The following PTPRN2 variants were observed in gnomAD, a reference collection of about 807,000 sequenced individuals.
PTPRN2 encodes the protein receptor-type tyrosine-protein phosphatase N2.
In PTPRN2, 74 loss-of-function variants were observed where a neutral mutation model predicts 118.8. The observed-to-expected ratio is 0.62, with a 90% CI of 0.52 to 0.76. The LOEUF (loss-of-function observed/expected upper bound fraction) is 0.76, where lower values mean the gene tolerates loss of function less well. Ranked by LOEUF, PTPRN2 falls within the 30% of genes least tolerant of loss-of-function variation. PTPRN2 has a pLI of 0.00. For synonymous variants in PTPRN2, 641 were observed against 608.0 expected, an observed-to-expected ratio of 1.05 and a Z score of -0.80; for missense variants, 1,481 against 1,394.4, an observed-to-expected ratio of 1.06 and a Z score of -0.99.
intron 12 of PTPRN2, among the ~76,000 whole-genome samples, chr7:157,683,162 G>A (rs1003064775): frequency 1.3e-5 from 2 of 152,260 alleles, no homozygotes; most frequent in African/African-American, 4.8e-5. Context: ...CAAGAGGACA[G>A]TCAGAGGCAT....
At position 157,963,662 on chromosome 7, in the gene PTPRN2, AG is replaced by A. The variant is rs1222167643; in HGVS notation, c.1724-64926del. Among the ~76,000 whole-genome samples the A allele has an allele frequency of 2.0e-5, 3 of 152,188 alleles. 1 individual carries two copies. The East Asian group carries it at 5.8e-4, about 29-fold the overall frequency. ...GTTCGGGCCTGGGAGAGAAGTCTGC[AG>A]GGGGGAGATCTGTGGTCATGCCCTC... On this transcript the variant is annotated intron_variant, in intron 11 of 22. Coordinates refer to ENST00000389418, the MANE Select transcript of PTPRN2 (RefSeq NM_002847.5).
intron 2 of PTPRN2, among the ~76,000 whole-genome samples, chr7:158,415,286 A>G (rs570663180): frequency 1.3e-5 from 2 of 152,282 alleles, no homozygotes; most frequent in East Asian, 3.9e-4. Context: ...AACAAAAACA[A>G]CCTGTAGCAG....
chr7:157,729,299 C>T lies in PTPRN2; in HGVS notation c.1789-46362G>A, dbSNP rs1211368537. Reference sequence around the variant, plus strand: ...TTTGTTTTGGGAGGCAGGTGGGAACCCATGAGCTGTCTTGAGCACAGTGGC... The same window carrying T: ...TTTGTTTTGGGAGGCAGGTGGGAACTCATGAGCTGTCTTGAGCACAGTGGC... On this transcript the variant is annotated intron_variant, in intron 12 of 22. Transcript: ENST00000389418. This position sits in a 1 kb window ranked among gnomAD's most constrained non-coding sequence, Gnocchi z 4.3. 6.6e-6 allele frequency among the ~76,000 whole-genome samples: 1 copy of T among 152,038 alleles called. No homozygotes were observed. Among genetic ancestry groups the T allele is most frequent in the Admixed American group, 6.6e-5 (1 of 15,266 alleles).
chr7:157,908,944 T>A (rs2128759387), intron 11 of PTPRN2, among the ~76,000 whole-genome samples: 1 of 152,340 alleles, frequency 6.6e-6, no homozygotes, highest in Admixed American at 6.5e-5. Flanking sequence ...TGTGTGCAAT[T>A]ACAGTTGAAT....
chr7:157,773,993 A>G (rs575473785), intron 12 of PTPRN2, among the ~76,000 whole-genome samples: 29 of 152,364 alleles, frequency 1.9e-4, no homozygotes, highest in African/African-American at 6.7e-4. Context: ...AAGTAAACAC[A>G]TATTTAAAAA....
chr7:158,162,821 G>GT (rs1289081272), intron 6 of PTPRN2, among the ~76,000 whole-genome samples: 1 of 152,192 alleles, frequency 6.6e-6, no homozygotes, highest in African/African-American at 2.4e-5. Context: ...CCGCAGCCTC[G>GT]TTGACTGACT....
At chr7:158,215,855 AC>A (rs1827919267) in intron 3 of PTPRN2, among the ~76,000 whole-genome samples, 1 of 152,138 alleles carries the variant, frequency 6.6e-6, no homozygotes, top group African/African-American at 2.4e-5. Flanking sequence ...CACCAGACCA[AC>A]TCTGAAAGAA....
rs574330460 is a variant in PTPRN2 at position 158,018,895 on chromosome 7, G to A, written c.1723+62403C>T. 9.9e-4 allele frequency among the ~76,000 whole-genome samples: 149 copies of A among 149,920 alleles called. 3 individuals carry two copies. The highest frequency in any genetic ancestry group is 1.3e-3 in the Non-Finnish European group (90 of 67,796). On this transcript the variant is annotated intron_variant, in intron 11 of 22. Coordinates refer to ENST00000389418, the MANE Select transcript of PTPRN2 (RefSeq NM_002847.5). Reference sequence around the variant, plus strand: ...AGAATCATTTGAACCCAGGGGCAGAGGTTGCAGTGAGCCGAGATCATGCGA... The same window carrying A: ...AGAATCATTTGAACCCAGGGGCAGAAGTTGCAGTGAGCCGAGATCATGCGA...
chr7:158,504,390 C>G (rs79216032), intron 1 of PTPRN2, among the ~76,000 whole-genome samples: 100 of 152,292 alleles, frequency 6.6e-4, no homozygotes, highest in Admixed American at 1.7e-3. Context: ...TCGTTCCCCC[C>G]CCATGTGTCC....
rs749405090 is a variant in PTPRN2, at chr7:158,167,068, G to T, written c.773C>A (p.Pro258His). 3.1e-5 allele frequency: 49 copies of T among 1,594,642 alleles called. No individual in the cohort carries two copies. The highest frequency in any genetic ancestry group is 3.4e-5 in the Non-Finnish European group (40 of 1,169,188). Residue 258 changes from proline (P) to histidine (H), a missense_variant, in exon 6 of 23, where the codon CCC becomes CAC. This residue lies in a region of PTPRN2 where 1,115 missense variants were observed against 994.2 expected (regional missense o/e 1.12). Coordinates refer to ENST00000389418, the MANE Select transcript of PTPRN2 (RefSeq NM_002847.5). Reference sequence around the variant, plus strand: ...CTGTGGCTCCAGGCTGCCCTCCCCGGGGGGAGCTGGGGGCCTCTGGGCAGC... The same window carrying T: ...CTGTGGCTCCAGGCTGCCCTCCCCGTGGGGAGCTGGGGGCCTCTGGGCAGC... The part of the protein sequence containing the change: ...AYAAQRPPAP[P>H]GEGSLEPQYL...
intron 2 of PTPRN2, among the ~76,000 whole-genome samples, chr7:158,395,409 C>T (rs60390150): frequency 8.6e-4 from 15 of 17,366 alleles, no homozygotes; most frequent in Non-Finnish European, 1.1e-3. Context: ...GGGCGAGGCG[C>T]GAGGGGTGAG....
Position 158,167,308 on chromosome 7 carries a change from C to A in PTPRN2, c.550-17G>T, listed in dbSNP as rs777002287. 6.4e-7 allele frequency: 1 copy of A among 1,563,184 alleles called. No homozygotes were observed. Among genetic ancestry groups the A allele is most frequent in the Admixed American group, 1.8e-5 (1 of 54,826 alleles). ...GTCATCACCCTGAAGGAAAGGAGAG[C>A]AAAACAGAGCAAGAGTCACATTTCC... On this transcript the variant is annotated splice_polypyrimidine_tract_variant and intron_variant, in intron 5 of 22. Coordinates refer to ENST00000389418, the MANE Select transcript of PTPRN2 (RefSeq NM_002847.5).
At chr7:157,717,603 G>A (rs57140608) in intron 12 of PTPRN2, among the ~76,000 whole-genome samples, 3 of 152,138 alleles carry the variant, frequency 2.0e-5, no homozygotes, top group South Asian at 2.1e-4. Context: ...TCGCTCCCTT[G>A]CGTCTCCTCA....
rs901594077 is a variant in PTPRN2 at position 157,984,688 on chromosome 7, C to T, written c.1724-85951G>A. ...GTGCTCAGCAGCCACGAGCTGACCA[C>T]GCGGTGAGGCTGTTCACTTTTCTCC... On this transcript the variant is annotated intron_variant, in intron 11 of 22. Transcript: ENST00000389418. 5.3e-5 allele frequency among the ~76,000 whole-genome samples: 8 copies of T among 152,138 alleles called. No homozygotes were observed. The East Asian group carries it at 1.6e-3, about 30-fold the overall frequency.
At chr7:157,976,169 A>C (rs982158213) in intron 11 of PTPRN2, among the ~76,000 whole-genome samples, 1 of 152,214 alleles carries the variant, frequency 6.6e-6, no homozygotes, top group Admixed American at 6.5e-5. Flanking sequence ...ATGGCAGCTT[A>C]GGGCTGGTTC....
At chr7:157,883,534 G>A (rs115240806) in intron 12 of PTPRN2, among the ~76,000 whole-genome samples, 1,418 of 94,418 alleles carry the variant, frequency 0.015, 27 homozygotes, top group African/African-American at 0.054. Context: ...ATCAGAACAC[G>A]TCACCCTAAA....
chr7:157,795,007 T>C (rs1804774624), intron 12 of PTPRN2, among the ~76,000 whole-genome samples: 1 of 152,212 alleles, frequency 6.6e-6, no homozygotes, highest in African/African-American at 2.4e-5. Flanking sequence ...TGGATCCCTG[T>C]GCGTCGCAGC....
rs567173389 is a variant in PTPRN2 at position 158,207,050 on chromosome 7, T to C, written c.278-1777A>G. Among the ~76,000 whole-genome samples the C allele has an allele frequency of 4.5e-4, 66 of 146,786 alleles. 1 individual carries two copies. The East Asian group carries it at 0.013, about 28-fold the overall frequency. On this transcript the variant is annotated intron_variant, in intron 3 of 22. Transcript: ENST00000389418. ...TTCAATTCCCGCCTATGAGTGAGAA[T>C]ATGCGGTGTTTGGTTTTTTGTTCTT...
At chr7:157,702,064 C>T (rs1053663203) in intron 12 of PTPRN2, among the ~76,000 whole-genome samples, 4 of 149,946 alleles carry the variant, frequency 2.7e-5, no homozygotes, top group African/African-American at 7.4e-5. Flanking sequence ...GTGTAACTGA[C>T]GTGGGCTGTG....
Sources: allele counts gnomAD v4.1 joint callset (sites outside exome capture counted in the v4.1 genomes callset), GRCh38; gene constraint gnomAD v4.1.1; regional missense constraint gnomAD v4.1.1; non-coding constraint Gnocchi (gnomAD v3.1); transcripts MANE v1.5; gene names NCBI Gene and HGNC (gene_info 2026-07-23, HGNC 2026-07-21).